Variants in CHLSN observed in about 807,000 individuals in gnomAD.
The protein encoded by CHLSN is cholesin.
At chr7:1,133,770 C>T in the CHLSN span, among the ~76,000 whole-genome samples, 1 of 148,412 alleles carries the variant, frequency 6.7e-6, no homozygotes, top group African/African-American at 2.5e-5. Context: ...AAAAAAACAC[C>T]CAGGTGCTAC....
the CHLSN span, among the ~76,000 whole-genome samples, chr7:1,069,980 G>A: frequency 8.8e-6 from 1 of 113,892 alleles, no homozygotes; most frequent in Admixed American, 8.4e-5. Context: ...TCTGAGATGT[G>A]GGGAGCGCCT....
the CHLSN span, among the ~76,000 whole-genome samples, chr7:1,034,499 G>A: frequency 5.9e-5 from 9 of 152,306 alleles, no homozygotes; most frequent in East Asian, 1.7e-3. Flanking sequence ...AGAAGGAACT[G>A]CATGCCTGAT....
the CHLSN span, among the ~76,000 whole-genome samples, chr7:999,781 G>A: frequency 6.6e-6 from 1 of 152,206 alleles, no homozygotes. Flanking sequence ...GAGCCAGCGA[G>A]GCAGGAGGCA....
the CHLSN span, among the ~76,000 whole-genome samples, chr7:1,104,529 G>A: frequency 6.6e-6 from 1 of 152,240 alleles, no homozygotes; most frequent in Non-Finnish European, 1.5e-5. Context: ...GCAAATCACA[G>A]CAGAGCTTTC....
chr7:1,042,629 A>G, the CHLSN span, among the ~76,000 whole-genome samples: 1 of 152,194 alleles, frequency 6.6e-6, no homozygotes, highest in African/African-American at 2.4e-5. Context: ...GTCTCTGCAG[A>G]TAAGGCGGTC....
chr7:1,002,478 T>C, the CHLSN span, among the ~76,000 whole-genome samples: 17 of 78,828 alleles, frequency 2.2e-4, no homozygotes, highest in South Asian at 5.8e-4. Flanking sequence ...TGGAGTCCTG[T>C]GGGTGGGGAG....
At chr7:999,123 G>A in the CHLSN span, among the ~76,000 whole-genome samples, 3 of 152,156 alleles carry the variant, frequency 2.0e-5, no homozygotes, top group Admixed American at 6.5e-5. Context: ...GGCTAACCAA[G>A]GATTTGCCTA....
chr7:1,054,513 G>T, the CHLSN span, among the ~76,000 whole-genome samples: 3 of 152,238 alleles, frequency 2.0e-5, no homozygotes, highest in African/African-American at 7.2e-5. Context: ...TGGGACGCAC[G>T]TGAGCGCAGG....
At chr7:1,008,861 G>GTAAA in the CHLSN span, among the ~76,000 whole-genome samples, 4 of 146,918 alleles carry the variant, frequency 2.7e-5, no homozygotes, top group Non-Finnish European at 5.9e-5. Context: ...GTAAACACAC[G>GTAAA]CACACACGTG....
the CHLSN span, among the ~76,000 whole-genome samples, chr7:1,134,775 G>A: frequency 6.6e-6 from 1 of 151,882 alleles, no homozygotes. Context: ...TACTCGGGAG[G>A]CTGAGGCAGG....
At chr7:1,059,743 CCG>C in the CHLSN span, among the ~76,000 whole-genome samples, 1 of 117,416 alleles carries the variant, frequency 8.5e-6, no homozygotes. Flanking sequence ...GGGGGCGGGT[CCG>C]TAGTGAGGCA....
At chr7:1,030,730 GGGGGGGACTCTCTCTCTCTCCCGGGGCAC>G in the CHLSN span, among the ~76,000 whole-genome samples, 345 of 90,290 alleles carry the variant, frequency 3.8e-3, 3 homozygotes, top group Non-Finnish European at 4.1e-3. Flanking sequence ...TCCCGGGGCA[GGGGGGGACTCTCTCTCTCTCCCGGGGCAC>G]GCGGGGACTC....
the CHLSN span, chr7:988,565 G>A: frequency 6.3e-7 from 1 of 1,598,948 alleles, no homozygotes; most frequent in Admixed American, 1.7e-5. Flanking sequence ...CTCCCCTGGG[G>A]AGGTCCCCAC....
At chr7:1,068,731 T>G in the CHLSN span, among the ~76,000 whole-genome samples, 3 of 152,152 alleles carry the variant, frequency 2.0e-5, no homozygotes, top group Non-Finnish European at 4.4e-5. Context: ...CATAGCTTGT[T>G]TTGTCTGTTC....
At chr7:1,091,725 A>G in the CHLSN span, 1 of 1,520,846 alleles carries the variant, frequency 6.6e-7, no homozygotes, top group Non-Finnish European at 8.8e-7. Flanking sequence ...CACGGTGCAG[A>G]GACATGGATG....
chr7:1,051,929 G>C, the CHLSN span, among the ~76,000 whole-genome samples: 1 of 152,248 alleles, frequency 6.6e-6, no homozygotes, highest in Non-Finnish European at 1.5e-5. Flanking sequence ...AGTTAGCTAT[G>C]ATGGTACCAC....
chr7:1,122,587 G>A, the CHLSN span, among the ~76,000 whole-genome samples: 3 of 152,190 alleles, frequency 2.0e-5, no homozygotes, highest in African/African-American at 4.8e-5. Context: ...CTCCCACCAT[G>A]TCCGCCGACC....
the CHLSN span, among the ~76,000 whole-genome samples, chr7:1,100,504 G>A: frequency 6.6e-6 from 1 of 152,234 alleles, no homozygotes; most frequent in African/African-American, 2.4e-5. Flanking sequence ...AGCCTGGGGA[G>A]GAAAAGCCTC....
the CHLSN span, among the ~76,000 whole-genome samples, chr7:1,110,148 G>C: frequency 3.9e-5 from 6 of 152,220 alleles, no homozygotes; most frequent in Non-Finnish European, 8.8e-5. Context: ...GCAGGGCTCA[G>C]TCCGTGGAAG....
Sources: allele counts gnomAD v4.1 joint callset (sites outside exome capture counted in the v4.1 genomes callset), GRCh38; gene constraint gnomAD v4.1.1; transcripts MANE v1.5; gene names NCBI Gene and HGNC (gene_info 2026-07-23, HGNC 2026-07-21).